Variants in TNFRSF1B observed in about 807,000 individuals in gnomAD.
The protein encoded by TNFRSF1B is TNF receptor superfamily member 1B.
In TNFRSF1B, 19 loss-of-function variants were observed where a neutral mutation model predicts 44.6. The ratio of observed to expected loss-of-function variants is 0.43; its 90% confidence interval spans 0.30 to 0.62. TNFRSF1B has a LOEUF of 0.62. TNFRSF1B is among the 20% of genes least tolerant of loss of function. The pLI is 0.16. For missense variants in TNFRSF1B, 541 were observed against 619.9 expected (o/e 0.87, Z 1.35); for synonymous variants, 252 against 261.1 (o/e 0.97, Z 0.34).
intron 1 of TNFRSF1B, among the ~76,000 whole-genome samples, chr1:12,173,255 A>G (rs933080085): frequency 1.3e-5 from 2 of 152,144 alleles, no homozygotes; most frequent in Non-Finnish European, 2.9e-5. Context: ...GTCGGCTTTG[A>G]GTATACTTGA....
At chr1:12,194,512 T>C in intron 7 of TNFRSF1B, 72 bp from the exon 8 acceptor site, 4 of 1,592,414 alleles carry the variant, frequency 2.5e-6, no homozygotes, top group Non-Finnish European at 3.4e-6. Flanking sequence ...TGGGGCCCCA[T>C]ACTGCCCTCC....
rs1638694387 is a variant in TNFRSF1B, at chr1:12,177,770, G to A, written c.78+10601G>A. ...GATCGCGCCATTGCACTCCAGCCTG[G>A]GTGACAGGGTGAGATTCTGTCTCCA... On this transcript the variant is annotated intron_variant, in intron 1 of 9. Transcript: ENST00000376259. The surrounding 1 kb of genome is among the most constrained non-coding windows in gnomAD (Gnocchi z 4.3). 6.6e-6 allele frequency among the ~76,000 whole-genome samples: 1 copy of A among 151,198 alleles called. No individual in the cohort carries two copies. Among genetic ancestry groups the A allele is most frequent in the African/African-American group, 2.4e-5 (1 of 41,042 alleles).
At chr1:12,183,489 GCTAT>G (rs1638857027) in intron 1 of TNFRSF1B, among the ~76,000 whole-genome samples, 3 of 144,144 alleles carry the variant, frequency 2.1e-5, no homozygotes, top group African/African-American at 7.8e-5. Flanking sequence ...TATATGTATA[GCTAT>G]CTATTGATAT....
At chr1:12,183,772 T>TAGCTAG (rs1557629356) in intron 1 of TNFRSF1B, among the ~76,000 whole-genome samples, 6 of 120,062 alleles carry the variant, frequency 5.0e-5, no homozygotes, top group Non-Finnish European at 1.2e-4. Context: ...TAGCTAGCTA[T>TAGCTAG]CTATTCTATC....
In TNFRSF1B at chr1:12,191,036, C is replaced by G; in HGVS notation, c.258C>G (p.Leu86=). The change falls in exon 3 of 10, where the codon CTC becomes CTG. Residue 86 remains leucine (L), a synonymous_variant. Transcript: ENST00000376259. ...DSCEDSTYTQ[L]WNWVPECLSC... is the part of the protein sequence containing the mutation. ...GTGAGGACAGCACATACACCCAGCT[C>G]TGGAACTGGGTTCCCGAGTGCTTGA... The G allele has an allele frequency of 6.2e-7, 1 of 1,614,222 alleles. No individual in the cohort carries two copies. Among genetic ancestry groups the G allele is most frequent in the South Asian group, 1.1e-5 (1 of 91,088 alleles).
intron 1 of TNFRSF1B, among the ~76,000 whole-genome samples, chr1:12,170,451 C>G (rs1434970705): frequency 6.6e-6 from 1 of 152,222 alleles, no homozygotes; most frequent in African/African-American, 2.4e-5. Context: ...TGAGAACCTG[C>G]CGGGCATTCT....
At position 12,174,256 on chromosome 1, in the gene TNFRSF1B, C is replaced by CCTT. The variant is rs893618494; in HGVS notation, c.78+7096_78+7098dup. Reference sequence around the variant, plus strand: ...TCCTTCTCCTTCTCCTTCTCCTTCTCCTTCTTCTTCTGATGGAGTCTGACT... The same window carrying CCTT: ...TCCTTCTCCTTCTCCTTCTCCTTCTCCTTCTTCTTCTTCTGATGGAGTCTGACT... On this transcript the variant is annotated intron_variant, in intron 1 of 9. Coordinates refer to ENST00000376259, the MANE Select transcript of TNFRSF1B (RefSeq NM_001066.3). Among the ~76,000 whole-genome samples, 4 of 137,324 alleles carry CCTT rather than the reference C, an allele frequency of 2.9e-5. No individual in the cohort carries two copies. In the East Asian group the frequency reaches 8.1e-4, roughly 28 times the overall value. The allele number at this position is 137,324 out of a possible 152,430, so 90.1% of individuals were successfully genotyped here.
chr1:12,191,947 T>G, intron 4 of TNFRSF1B, 24 bp downstream of exon 4: 1 of 1,601,756 alleles, frequency 6.2e-7, no homozygotes, highest in Middle Eastern at 2.3e-4. Flanking sequence ...CTCAGGTCCT[T>G]GGGGACGCCC....
intron 1 of TNFRSF1B, chr1:12,167,532 G>T (rs1453603909): frequency 2.5e-6 from 1 of 399,192 alleles, no homozygotes; most frequent in Non-Finnish European, 4.8e-6. Flanking sequence ...TCACCCCGGC[G>T]ACTGCCGCGA....
rs1639531166 is a variant in TNFRSF1B at position 12,207,393 on chromosome 1, C to G, written c.*373C>G. 4.6e-6 allele frequency: 1 copy of G among 216,800 alleles called. No homozygotes were observed. The highest frequency in any genetic ancestry group is 2.3e-5 in the African/African-American group (1 of 43,828). The allele number at this position is 216,800 out of a possible 1,614,324, so 13.4% of individuals were successfully genotyped here. ...TTTGTTTGTTTGTTTGTTTGTTTCTCCCCCTGGGCTCTGCCCCAGCTCTGG... is the reference window on the plus strand; with the variant it reads ...TTTGTTTGTTTGTTTGTTTGTTTCTGCCCCTGGGCTCTGCCCCAGCTCTGG... On this transcript the variant is annotated 3_prime_UTR_variant, in exon 10 of 10. Transcript: ENST00000376259.
At chr1:12,188,579 T>C (rs191270958) in intron 1 of TNFRSF1B, among the ~76,000 whole-genome samples, 1 of 152,224 alleles carries the variant, frequency 6.6e-6, no homozygotes, top group East Asian at 1.9e-4. Flanking sequence ...CCTGCAGACA[T>C]GACTAGGGTA....
intron 1 of TNFRSF1B, among the ~76,000 whole-genome samples, chr1:12,175,382 T>C (rs1295035049): frequency 6.6e-6 from 1 of 152,288 alleles, no homozygotes; most frequent in East Asian, 1.9e-4. Flanking sequence ...GGAGTGCAGA[T>C]TGCACTGCCA....
chr1:12,176,838 G>A lies in TNFRSF1B; in HGVS notation c.78+9669G>A, dbSNP rs184095357. Among the ~76,000 whole-genome samples, 17 of 152,302 alleles carry A rather than the reference G, an allele frequency of 1.1e-4. No individual in the cohort carries two copies. The East Asian group carries it at 2.7e-3, about 24-fold the overall frequency. On this transcript the variant is annotated intron_variant, in intron 1 of 9. Transcript: ENST00000376259. ...AAGCAGAGAACAGGAAGGAAGGGGC[G>A]AGAGGCTTGAGGGAGGAGGAGGAAG... is the stretch of plus-strand genomic sequence containing the variant.
rs1290792781 is a variant in TNFRSF1B at position 12,187,478 on chromosome 1, TG to T, written c.79-1317del. ...CTCTCTCTCTTTTCATTCATCACAT[TG>T]TTCATCTCTTCCCGGAGGCATCCAG... On this transcript the variant is annotated intron_variant, in intron 1 of 9. Coordinates refer to ENST00000376259, the MANE Select transcript of TNFRSF1B (RefSeq NM_001066.3). This position sits in a 1 kb window ranked among gnomAD's most constrained non-coding sequence, Gnocchi z 5.5. 2.0e-5 allele frequency among the ~76,000 whole-genome samples: 3 copies of T among 152,122 alleles called. No homozygotes were observed. In the East Asian group the frequency reaches 5.8e-4, roughly 29 times the overall value.
intron 1 of TNFRSF1B, among the ~76,000 whole-genome samples, chr1:12,184,389 T>C (rs1466376924): frequency 6.6e-6 from 1 of 151,816 alleles, no homozygotes; most frequent in African/African-American, 2.4e-5. Flanking sequence ...AGGCCTGAGA[T>C]TGCTCAAGGG....
rs1221890817 is a variant in TNFRSF1B, at chr1:12,180,259, G to C, written c.79-8537G>C. Among the ~76,000 whole-genome samples the C allele has an allele frequency of 1.3e-5, 2 of 152,160 alleles. No homozygotes were observed. The highest frequency in any genetic ancestry group is 2.9e-5 in the Non-Finnish European group (2 of 68,026). ...AGTCTGGACAACATAGCAAGACCCG[G>C]TCTCTTTCTATAAATGAAAAAATAA... On this transcript the variant is annotated intron_variant, in intron 1 of 9. Transcript: ENST00000376259. This position sits in a 1 kb window ranked among gnomAD's most constrained non-coding sequence, Gnocchi z 4.3.
chr1:12,170,982 C>A (rs751429314), intron 1 of TNFRSF1B, among the ~76,000 whole-genome samples: 21 of 150,930 alleles, frequency 1.4e-4, no homozygotes, highest in Admixed American at 2.6e-4. Flanking sequence ...GGCCCGTTCT[C>A]ACTTCTTCTT....
Position 12,167,118 on chromosome 1 carries a change from G to T in TNFRSF1B, c.27G>T (p.Ala9=). The part of the protein sequence containing the change: MAPVAVWA[A]LAVGLELWAA... ...TGGCGCCCGTCGCCGTCTGGGCCGC[G>T]CTGGCCGTCGGACTGGAGCTCTGGG... Residue 9 remains alanine (A), a synonymous_variant, in exon 1 of 10, where the codon GCG becomes GCT. Transcript: ENST00000376259. 3 of 1,351,298 alleles carry T rather than the reference G, an allele frequency of 2.2e-6. No individual in the cohort carries two copies. The highest frequency in any genetic ancestry group is 2.9e-6 in the Non-Finnish European group (3 of 1,047,178). 83.7% of individuals were successfully genotyped at this position (1,351,298 alleles called of 1,614,324 possible).
intron 8 of TNFRSF1B, among the ~76,000 whole-genome samples, chr1:12,198,450 T>C (rs1467140829): frequency 6.6e-6 from 1 of 152,120 alleles, no homozygotes; most frequent in Non-Finnish European, 1.5e-5. Flanking sequence ...ACACACTCAC[T>C]ACGTCACTCA....
Sources: allele counts gnomAD v4.1 joint callset (sites outside exome capture counted in the v4.1 genomes callset), GRCh38; gene constraint gnomAD v4.1.1; non-coding constraint Gnocchi (gnomAD v3.1); transcripts MANE v1.5; gene names NCBI Gene and HGNC (gene_info 2026-07-23, HGNC 2026-07-21).